The following SULT1E1 variants were observed in gnomAD, a reference collection of about 807,000 sequenced individuals.
SULT1E1 encodes sulfotransferase 1E1.
A neutral mutation model predicts 33.6 loss-of-function variants in SULT1E1; 36 were observed. The observed-to-expected ratio is 1.07, with a 90% confidence interval of 0.82 to 1.41. The LOEUF (loss-of-function observed/expected upper bound fraction) is 1.41, where lower values mean the gene tolerates loss of function less well. Ranked by LOEUF, SULT1E1 falls within the 40% of genes most tolerant of loss-of-function variation. The pLI is 0.00. For synonymous variants in SULT1E1, 121 were observed against 111.7 expected, an observed-to-expected ratio of 1.08 and a Z score of -0.53; for missense variants, 371 against 345.7, an observed-to-expected ratio of 1.07 and a Z score of -0.58.
chr4:69,857,967 C>T (rs1364001984), intron 1 of SULT1E1, among the ~76,000 whole-genome samples: 1 of 152,094 alleles, frequency 6.6e-6, no homozygotes, highest in Non-Finnish European at 1.5e-5. Context: ...ACAGAACCTT[C>T]AATTTCTTTC....
At chr4:69,834,697 T>C in the SULT1E1 span, among the ~76,000 whole-genome samples, 2 of 152,162 alleles carry the variant, frequency 1.3e-5, no homozygotes, top group Non-Finnish European at 2.9e-5. Context: ...GTTGTAGTAG[T>C]AACAGTAGCA....
chr4:69,825,634 C>A, the SULT1E1 span, among the ~76,000 whole-genome samples: 1 of 152,158 alleles, frequency 6.6e-6, no homozygotes, highest in African/African-American at 2.4e-5. Flanking sequence ...TTCCCTGGAA[C>A]CAGTTTCTGC....
At chr4:69,825,136 G>A in the SULT1E1 span, among the ~76,000 whole-genome samples, 16 of 152,026 alleles carry the variant, frequency 1.1e-4, no homozygotes, top group Non-Finnish European at 1.9e-4. Flanking sequence ...AAGCCAGCGA[G>A]ACCATGAACC....
At chr4:69,849,674 A>G in intron 4 of SULT1E1, 111 bp from the exon 5 acceptor site, 1 of 933,476 alleles carries the variant, frequency 1.1e-6, no homozygotes, top group South Asian at 2.0e-5. Flanking sequence ...ATACACATTA[A>G]TTTTACAAAA....
At chr4:69,854,964 A>T (rs907731130) in intron 3 of SULT1E1, among the ~76,000 whole-genome samples, 1 of 152,100 alleles carries the variant, frequency 6.6e-6, no homozygotes, top group Non-Finnish European at 1.5e-5. Context: ...TGGTAAATAT[A>T]CTTTTGCATA....
In SULT1E1 at chr4:69,849,758, TTC is replaced by T. The variant is rs574622727; in HGVS notation, c.370-197_370-196del. 1.4e-4 allele frequency among the ~76,000 whole-genome samples: 22 copies of T among 152,150 alleles called. No homozygotes were observed. In the East Asian group the frequency reaches 4.1e-3, roughly 28 times the overall value. ...GGTGACAGTGGTTTTTGTAGTGTTG[TTC>T]TCTTTGTTCTCACTACAAACAGAAC... On this transcript the variant is annotated intron_variant, in intron 4 of 7. Coordinates refer to ENST00000226444, the MANE Select transcript of SULT1E1 (RefSeq NM_005420.3).
rs187665009 is a variant in SULT1E1, at chr4:69,847,766, C to T, written c.523G>A (p.Val175Ile). 2.5e-6 allele frequency: 4 copies of T among 1,609,070 alleles called. No homozygotes were observed. The highest frequency in any genetic ancestry group is 3.3e-5 in the Admixed American group (2 of 59,730). The change falls in exon 6 of 8, where the codon GTA becomes ATA. Residue 175 changes from valine (V) to isoleucine (I), a missense_variant. Val to Ile is a conservative substitution (Grantham distance 29). Transcript: ENST00000226444. ...TTTCCCTTTTCCCACCAAGATTTTA[C>T]ATGTTTATACCAGGAACCATAAGGA... Reference protein sequence around the residue: ...QVPYGSWYKHVKSWWEKGKSP... With the variant: ...QVPYGSWYKHIKSWWEKGKSP...
chr4:69,850,085 G>A (rs373754296), intron 4 of SULT1E1, among the ~76,000 whole-genome samples: 1 of 152,040 alleles, frequency 6.6e-6, no homozygotes, highest in African/African-American at 2.4e-5. Context: ...ATTTTATGAG[G>A]TGAAAATATA....
chr4:69,858,732 C>T (rs771837532), intron 1 of SULT1E1, among the ~76,000 whole-genome samples: 52 of 152,114 alleles, frequency 3.4e-4, no homozygotes, highest in Admixed American at 1.5e-3. Flanking sequence ...GCATATTAGC[C>T]TTATCAATAA....
chr4:69,846,775 T>C (rs1720985640), intron 6 of SULT1E1, among the ~76,000 whole-genome samples: 1 of 151,744 alleles, frequency 6.6e-6, no homozygotes, highest in Admixed American at 6.6e-5. Flanking sequence ...TATTTGTTAT[T>C]GTCAGATATT....
chr4:69,855,530 C>A (rs1477399623), intron 2 of SULT1E1, 104 bp from the exon 3 acceptor site: 3 of 1,181,398 alleles, frequency 2.5e-6, no homozygotes, highest in Non-Finnish European at 3.5e-6. Flanking sequence ...CAATGCAATA[C>A]TATTTAAAGG....
At chr4:69,824,733 C>G in the SULT1E1 span, among the ~76,000 whole-genome samples, 608 of 152,204 alleles carry the variant, frequency 4.0e-3, 4 homozygotes, top group African/African-American at 0.014. Flanking sequence ...GTAAAATGGA[C>G]TAATCAGCAC....
chr4:69,845,618 T>C (rs1000575474), intron 6 of SULT1E1, among the ~76,000 whole-genome samples: 1 of 151,330 alleles, frequency 6.6e-6, no homozygotes, highest in Non-Finnish European at 1.5e-5. Flanking sequence ...CTTGATTTCT[T>C]TCTACTGGAT....
At chr4:69,850,493 G>C (rs1273581739) in intron 4 of SULT1E1, among the ~76,000 whole-genome samples, 1 of 151,992 alleles carries the variant, frequency 6.6e-6, no homozygotes, top group East Asian at 1.9e-4. Context: ...CTTATTCTTA[G>C]ATGTATAGCT....
At chr4:69,853,815 A>G (rs10019305) in intron 4 of SULT1E1, among the ~76,000 whole-genome samples, 35,377 of 152,080 alleles carry the variant, frequency 0.23, 4,767 homozygotes, top group Non-Finnish European at 0.31. Flanking sequence ...AGTATTTTGC[A>G]AAGGGAGGAT....
At chr4:69,829,979 T>A in the SULT1E1 span, among the ~76,000 whole-genome samples, 5 of 152,344 alleles carry the variant, frequency 3.3e-5, no homozygotes, top group Admixed American at 3.3e-4. Context: ...CAGTGGTTAG[T>A]CCTGGGTGTG....
At chr4:69,823,203 A>T in the SULT1E1 span, among the ~76,000 whole-genome samples, 2 of 152,196 alleles carry the variant, frequency 1.3e-5, no homozygotes, top group East Asian at 3.8e-4. Context: ...ACTAATGTAC[A>T]GAAGCAAGAC....
In SULT1E1 at chr4:69,849,530, C is replaced by A; in HGVS notation, c.403G>T (p.Ala135Ser). 1.2e-6 allele frequency: 2 copies of A among 1,609,666 alleles called. No homozygotes were observed. The highest frequency in any genetic ancestry group is 1.7e-6 in the Non-Finnish European group (2 of 1,177,558). ...IYLCRNAKDV[A>S]VSFYYFFLMV... ...AGAAAGAAATAATAAAAGGAAACAG[C>A]CACATCCTTTGCATTCCGGCAAAGA... Residue 135 changes from alanine (A) to serine (S), a missense_variant, in exon 5 of 8, where the codon GCT becomes TCT. Coordinates refer to ENST00000226444, the MANE Select transcript of SULT1E1 (RefSeq NM_005420.3).
At position 69,842,057 on chromosome 4, in the gene SULT1E1, T is replaced by G. The variant is rs1489081047; in HGVS notation, c.822A>C (p.Lys274Asn). 11 of 1,612,068 alleles carry G rather than the reference T, an allele frequency of 6.8e-6. No homozygotes were observed. Among genetic ancestry groups the G allele is most frequent in the Non-Finnish European group, 8.5e-6 (10 of 1,179,390 alleles). The change falls in exon 8 of 8, where the codon AAA (lysine) becomes AAC (asparagine). Residue 274 changes from lysine to asparagine, a missense_variant. By Grantham distance (94) the Lys-to-Asn change is moderately conservative (BLOSUM62 0). Coordinates refer to ENST00000226444, the MANE Select transcript of SULT1E1 (RefSeq NM_005420.3). ...KNHFTVALNE[K>N]FDKHYEQQMK... ...TTTGCTGCTCATAATGTTTATCAAA[T>G]TTTTCATTCAGGGCTACTGTAAAGT...
Sources: allele counts gnomAD v4.1 joint callset (sites outside exome capture counted in the v4.1 genomes callset), GRCh38; gene constraint gnomAD v4.1.1; transcripts MANE v1.5; gene names NCBI Gene and HGNC (gene_info 2026-07-23, HGNC 2026-07-21).